The following ARHGEF26 variants were observed in gnomAD, a reference collection of about 807,000 sequenced individuals.
ARHGEF26 encodes Rho guanine nucleotide exchange factor 26.
A neutral mutation model predicts 89.4 loss-of-function variants in ARHGEF26; 59 were observed. That is an observed-to-expected ratio of 0.66 (90% CI 0.54 to 0.82). The LOEUF (loss-of-function observed/expected upper bound fraction) is 0.82, where lower values mean the gene tolerates loss of function less well. ARHGEF26 is among the 40% of genes least tolerant of loss of function. The pLI is 0.00. For missense variants in ARHGEF26, 1,234 were observed against 1,085.6 expected, an observed-to-expected ratio of 1.14 and a Z score of -1.92; for synonymous variants, 500 against 428.4, an observed-to-expected ratio of 1.17 and a Z score of -2.06.
At chr3:154,141,253 C>T (rs1307110578) in intron 4 of ARHGEF26, among the ~76,000 whole-genome samples, 1 of 152,204 alleles carries the variant, frequency 6.6e-6, no homozygotes, top group Non-Finnish European at 1.5e-5. Context: ...GTGAGAGCCA[C>T]CGTGCCTGGC....
chr3:154,193,635 G>T (rs1445445657), intron 8 of ARHGEF26, among the ~76,000 whole-genome samples: 1 of 152,096 alleles, frequency 6.6e-6, no homozygotes, highest in African/African-American at 2.4e-5. Flanking sequence ...ATTCAGTTAA[G>T]CTTGTTCATT....
intron 8 of ARHGEF26, 67 bp from the exon 9 acceptor site, chr3:154,194,577 G>A: frequency 8.7e-7 from 1 of 1,155,420 alleles, no homozygotes; most frequent in Non-Finnish European, 1.3e-6. Context: ...GGATATGGCT[G>A]GACATTGGTT....
chr3:154,203,168 G>C (rs532786741), intron 9 of ARHGEF26, among the ~76,000 whole-genome samples: 1 of 152,108 alleles, frequency 6.6e-6, no homozygotes, highest in Non-Finnish European at 1.5e-5. Flanking sequence ...TTAGAGATAC[G>C]TCCCATTGAT....
intron 6 of ARHGEF26, among the ~76,000 whole-genome samples, chr3:154,178,334 C>T (rs1712960587): frequency 6.6e-6 from 1 of 152,086 alleles, no homozygotes; most frequent in Non-Finnish European, 1.5e-5. Context: ...CAACCATCAC[C>T]AGAGTTTTAC....
At position 154,225,930 on chromosome 3, in the gene ARHGEF26, G is replaced by C. The variant is rs186033734; in HGVS notation, c.2010G>C (p.Val670=). ...TGACAGCCTATGTTGAAGACACTGT[G>C]CTTTTCTCAAGAAGGACATCCAAAC... ...GELTAYVEDT[V]LFSRRTSKQQ... Residue 670 remains valine (V), a synonymous_variant, in exon 11 of 15, where the codon GTG becomes GTC. Transcript: ENST00000465093. 7.4e-6 allele frequency: 12 copies of C among 1,612,276 alleles called. No homozygotes were observed. The Admixed American group carries it at 2.0e-4, about 27-fold the overall frequency.
chr3:154,252,096 G>A (rs1455026615), intron 12 of ARHGEF26, among the ~76,000 whole-genome samples: 2 of 152,188 alleles, frequency 1.3e-5, no homozygotes, highest in Non-Finnish European at 2.9e-5. Flanking sequence ...TGAAGGTGGG[G>A]TGACAGCGAC....
chr3:154,249,582 G>T (rs1470217078), intron 12 of ARHGEF26, among the ~76,000 whole-genome samples: 2 of 152,164 alleles, frequency 1.3e-5, no homozygotes, highest in Non-Finnish European at 2.9e-5. Context: ...ATTGGATTTT[G>T]TGAGTGTTTT....
chr3:154,194,857 C>A, intron 9 of ARHGEF26, 139 bp downstream of exon 9: 1 of 694,138 alleles, frequency 1.4e-6, no homozygotes, highest in Non-Finnish European at 2.5e-6. Context: ...AGTTGCAAAA[C>A]AAAATCATAT....
intron 11 of ARHGEF26, 143 bp from the exon 12 acceptor site, chr3:154,240,227 C>A (rs751615769): frequency 9.8e-6 from 6 of 613,430 alleles, no homozygotes; most frequent in Middle Eastern, 4.4e-4. Flanking sequence ...ATTCAAATTC[C>A]AATTCATAGT....
In ARHGEF26 at chr3:154,203,369, G is replaced by A. The variant is rs6800427; in HGVS notation, c.1845+8651G>A. On this transcript the variant is annotated intron_variant, in intron 9 of 14. Transcript: ENST00000465093. ...AAGCCCACTTGATCATGGTGGATAA[G>A]CTTTTTGATGTGCTGCTGGATTCGG... Among the ~76,000 whole-genome samples, 608 of 152,024 alleles carry A rather than the reference G, an allele frequency of 4.0e-3. 2 individuals are homozygous for A. The highest frequency in any genetic ancestry group is 0.014 in the African/African-American group (572 of 41,476).
In ARHGEF26 at chr3:154,191,417, A is replaced by G; in HGVS notation, c.1769A>G (p.Asp590Gly). 6.2e-7 allele frequency: 1 copy of G among 1,613,022 alleles called. No homozygotes were observed. The highest frequency in any genetic ancestry group is 1.1e-5 in the South Asian group (1 of 90,884). ...GTGACCCGCCTTCCCCTGCTGATGG[A>G]TGTAAGACATGACGGTGGCTTTTTC... ...QRVTRLPLLM[D>G]TICQKTPKDS... The change falls in exon 8 of 15, where the codon GAT (aspartate) becomes GGT (glycine). Residue 590 changes from aspartate to glycine, a missense_variant and splice_region_variant. Coordinates refer to ENST00000465093, the MANE Select transcript of ARHGEF26 (RefSeq NM_015595.4).
chr3:154,184,968 A>G (rs1222621480), intron 6 of ARHGEF26, among the ~76,000 whole-genome samples: 8 of 152,120 alleles, frequency 5.3e-5, no homozygotes, highest in African/African-American at 9.7e-5. Context: ...AGTTTCCCCA[A>G]CCAGACCCAC....
At chr3:154,121,806 C>T in intron 1 of ARHGEF26, 136 bp from the exon 2 acceptor site, 2 of 777,002 alleles carry the variant, frequency 2.6e-6, no homozygotes, top group East Asian at 2.8e-5. Context: ...CAGTTTTTGC[C>T]CGAGAAAGGG....
At chr3:154,219,651 T>C (rs1270628211) in intron 10 of ARHGEF26, among the ~76,000 whole-genome samples, 3 of 150,188 alleles carry the variant, frequency 2.0e-5, no homozygotes, top group Non-Finnish European at 3.0e-5. Context: ...AATTTGTAAT[T>C]GAAAAATGCT....
At chr3:154,245,546 C>T (rs1320185623) in intron 12 of ARHGEF26, among the ~76,000 whole-genome samples, 2 of 152,108 alleles carry the variant, frequency 1.3e-5, no homozygotes, top group African/African-American at 4.8e-5. Flanking sequence ...CCAGATGGCT[C>T]CTCTTAGGGC....
chr3:154,185,691 G>A lies in ARHGEF26; in HGVS notation c.1488-1994G>A, dbSNP rs115731989. Among the ~76,000 whole-genome samples, 1,056 of 152,240 alleles carry A rather than the reference G, an allele frequency of 6.9e-3. 7 individuals carry two copies. Among genetic ancestry groups the A allele is most frequent in the Non-Finnish European group, 0.01 (686 of 68,008 alleles). ...CATAGGCACTATTGATTAAATCATT[G>A]TTCCTTGGCAATTGAACTCAAACTC... On this transcript the variant is annotated intron_variant, in intron 6 of 14. Transcript: ENST00000465093.
At chr3:154,226,114 A>C (rs1716469658) in intron 11 of ARHGEF26, 104 bp downstream of exon 11, 1 of 1,059,880 alleles carries the variant, frequency 9.4e-7, no homozygotes, top group Admixed American at 3.4e-5. Flanking sequence ...AAATGTTGGA[A>C]GTATAGTTTC....
Position 154,202,322 on chromosome 3 carries a change from C to T in ARHGEF26, c.1845+7604C>T, listed in dbSNP as rs1245884625. Among the ~76,000 whole-genome samples the T allele has an allele frequency of 1.8e-4, 27 of 152,098 alleles. No homozygotes were observed. In the East Asian group the frequency reaches 2.5e-3, roughly 14 times the overall value. On this transcript the variant is annotated intron_variant, in intron 9 of 14. Transcript: ENST00000465093. ...CAGAGATCAGATAGTTGTAGATATG[C>T]GGCATTATTTCTGAGGGCTCTGTTC...
rs1329179732 is a variant in ARHGEF26, at chr3:154,123,069, G to A, written c.1077G>A (p.Arg359=). 2 of 1,613,812 alleles carry A rather than the reference G, an allele frequency of 1.2e-6. No homozygotes were observed. Among genetic ancestry groups the A allele is most frequent in the Non-Finnish European group, 1.7e-6 (2 of 1,179,786 alleles). The change falls in exon 2 of 15, where the codon AGG becomes AGA. Residue 359 remains arginine (R), a synonymous_variant. Coordinates refer to ENST00000465093, the MANE Select transcript of ARHGEF26 (RefSeq NM_015595.4). ...AGGAGAAGTTTTCCAGTCTGGGAAGGATAAAGGTAAAAGTGGGCAGGAGTG... is the reference window on the plus strand; with the variant it reads ...AGGAGAAGTTTTCCAGTCTGGGAAGAATAAAGGTAAAAGTGGGCAGGAGTG... ...EDKEKFSSLG[R]IKKKMLKGQG... is the part of the protein sequence containing the mutation.
Sources: allele counts gnomAD v4.1 joint callset (sites outside exome capture counted in the v4.1 genomes callset), GRCh38; gene constraint gnomAD v4.1.1; transcripts MANE v1.5; gene names NCBI Gene and HGNC (gene_info 2026-07-23, HGNC 2026-07-21).